Variants in SLC25A26 observed in about 807,000 individuals in gnomAD.
SLC25A26 encodes the protein solute carrier family 25 member 26, also known as mitochondrial S-adenosylmethionine carrier protein.
SLC25A26 carries 36 observed loss-of-function variants against 37.8 expected under a neutral mutation model. The observed-to-expected ratio is 0.95, with a 90% CI of 0.73 to 1.26. The LOEUF is 1.26. Ranked by LOEUF, SLC25A26 falls within the 50% of genes most tolerant of loss-of-function variation. The pLI, the probability that SLC25A26 is intolerant of heterozygous loss-of-function variation, is 0.00. For missense variants in SLC25A26, 390 were observed against 331.1 expected, an observed-to-expected ratio of 1.18 and a Z score of -1.38; for synonymous variants, 129 against 122.5, an observed-to-expected ratio of 1.05 and a Z score of -0.35.
rs1575633759 is a variant in SLC25A26, at chr3:66,377,781, T to A, written c.799T>A (p.Leu267Met). 6.2e-7 allele frequency: 1 copy of A among 1,613,538 alleles called. No individual in the cohort carries two copies. The highest frequency in any genetic ancestry group is 8.5e-7 in the Non-Finnish European group (1 of 1,179,484). ...GAYDRTHSLL[L>M]EVGRKSP ...TTATGACCGAACGCACAGCTTGCTG[T>A]TGGAAGTTGGCAGAAAGAGTCCTTG... Residue 267 changes from leucine (L) to methionine (M), a missense_variant, in exon 10 of 10, where the codon TTG becomes ATG. Coordinates refer to ENST00000354883, the MANE Select transcript of SLC25A26 (RefSeq NM_001379210.1).
intron 4 of SLC25A26, 38 bp from the exon 5 acceptor site, chr3:66,263,294 C>T: frequency 6.5e-7 from 1 of 1,540,480 alleles, no homozygotes; most frequent in Non-Finnish European, 9.0e-7. Flanking sequence ...GAAATCTCTG[C>T]CATTCTTTCT....
intron 1 of SLC25A26, among the ~76,000 whole-genome samples, chr3:66,194,352 A>G (rs907951780): frequency 6.6e-6 from 1 of 152,118 alleles, no homozygotes; most frequent in Non-Finnish European, 1.5e-5. Flanking sequence ...TTGTTTTCCC[A>G]CCTGGGGAAT....
At chr3:66,299,228 G>C (rs1270895546) in intron 5 of SLC25A26, among the ~76,000 whole-genome samples, 3 of 152,100 alleles carry the variant, frequency 2.0e-5, no homozygotes, top group Non-Finnish European at 4.4e-5. Context: ...GTTTCCCTCT[G>C]TCACCCAGGC....
exon 1 of SLC25A26, chr3:66,133,610 A>T (rs1009759737): frequency 9.9e-5 from 15 of 152,222 alleles, no homozygotes; most frequent in Non-Finnish European, 2.1e-4. Context: ...CTGTATATGT[A>T]ACCTGAAGCT....
intron 9 of SLC25A26, among the ~76,000 whole-genome samples, chr3:66,372,711 CAAT>C (rs964813460): frequency 1.4e-4 from 21 of 152,116 alleles, no homozygotes; most frequent in African/African-American, 4.6e-4. Flanking sequence ...TGATTAAAGA[CAAT>C]AAATAATTTG....
rs553382564 is a variant in SLC25A26 at position 66,350,251 on chromosome 3, G to A, written c.498+3843G>A. ...AGGGAGTAAGGGGCTGGAGGTGGTGGTGGCCACTGTTACCTTAAATTCAAC... is the reference window on the plus strand; with the variant it reads ...AGGGAGTAAGGGGCTGGAGGTGGTGATGGCCACTGTTACCTTAAATTCAAC... On this transcript the variant is annotated intron_variant, in intron 6 of 9. Transcript: ENST00000354883. Among the ~76,000 whole-genome samples, 142 of 152,250 alleles carry A rather than the reference G, an allele frequency of 9.3e-4. 1 individual carries two copies. Among genetic ancestry groups the A allele is most frequent in the African/African-American group, 3.3e-3 (138 of 41,552 alleles).
At chr3:66,230,456 G>A (rs569914705) in intron 1 of SLC25A26, among the ~76,000 whole-genome samples, 2 of 152,168 alleles carry the variant, frequency 1.3e-5, no homozygotes, top group African/African-American at 2.4e-5. Flanking sequence ...TGTATGTAGG[G>A]GGGTGGAGGC....
At chr3:66,278,643 C>T (rs749030239) in intron 5 of SLC25A26, among the ~76,000 whole-genome samples, 4 of 152,128 alleles carry the variant, frequency 2.6e-5, no homozygotes, top group African/African-American at 4.8e-5. Flanking sequence ...ATATAAATTT[C>T]ATTCCTCTGT....
chr3:66,315,063 A>G (rs1231508121), intron 5 of SLC25A26, among the ~76,000 whole-genome samples: 1 of 142,166 alleles, frequency 7.0e-6, no homozygotes, highest in Non-Finnish European at 1.5e-5. Context: ...TTTAAAAACT[A>G]GCTCCTGGAT....
At chr3:66,207,509 G>T (rs2071196837) in intron 1 of SLC25A26, among the ~76,000 whole-genome samples, 1 of 152,150 alleles carries the variant, frequency 6.6e-6, no homozygotes, top group Admixed American at 6.5e-5. Flanking sequence ...TTCAGCCCAG[G>T]CCTGATTGAT....
intron 5 of SLC25A26, among the ~76,000 whole-genome samples, chr3:66,266,254 T>G (rs2073745304): frequency 1.3e-5 from 2 of 152,234 alleles, no homozygotes; most frequent in South Asian, 4.1e-4. Context: ...GAAACATAGC[T>G]TCTTCTCAAA....
rs139024568 is a variant in SLC25A26, at chr3:66,345,930, C to T, written c.454-434C>T. On this transcript the variant is annotated intron_variant, in intron 5 of 9. Transcript: ENST00000354883. Reference sequence around the variant, plus strand: ...GAAGATCACCAGGCTCAGTGGCTCACGCCTGTAATCCCAGCACTTTTGGAG... The same window carrying T: ...GAAGATCACCAGGCTCAGTGGCTCATGCCTGTAATCCCAGCACTTTTGGAG... Among the ~76,000 whole-genome samples, 6 of 152,338 alleles carry T rather than the reference C, an allele frequency of 3.9e-5. No individual in the cohort carries two copies. The East Asian group carries it at 9.6e-4, about 24-fold the overall frequency.
intron 1 of SLC25A26, among the ~76,000 whole-genome samples, chr3:66,209,911 TATATATATATATA>T (rs2071259871): frequency 7.3e-5 from 2 of 27,428 alleles, no homozygotes; most frequent in African/African-American, 2.5e-4. Context: ...TATATATATA[TATATATATATATA>T]TATATATATA....
intron 5 of SLC25A26, among the ~76,000 whole-genome samples, chr3:66,339,324 T>G (rs2076155468): frequency 6.6e-6 from 1 of 152,052 alleles, no homozygotes; most frequent in Admixed American, 6.5e-5. Flanking sequence ...ACGCAAGTCC[T>G]TTGTTAAATA....
At chr3:66,185,759 A>AT (rs1193759885) in intron 1 of SLC25A26, among the ~76,000 whole-genome samples, 1 of 151,452 alleles carries the variant, frequency 6.6e-6, no homozygotes, top group Non-Finnish European at 1.5e-5. Flanking sequence ...CTGACTCTGT[A>AT]TTTTATACAT....
intron 3 of SLC25A26, among the ~76,000 whole-genome samples, chr3:66,256,507 G>T (rs1236309944): frequency 1.3e-5 from 2 of 152,034 alleles, no homozygotes; most frequent in Admixed American, 6.6e-5. Flanking sequence ...GAAAATATAG[G>T]TAGGTAGAAA....
At chr3:66,330,530 A>G (rs550821457) in intron 5 of SLC25A26, among the ~76,000 whole-genome samples, 1 of 151,498 alleles carries the variant, frequency 6.6e-6, no homozygotes, top group South Asian at 2.1e-4. Context: ...ATTTCTGTGT[A>G]TTCTACCTCT....
intron 5 of SLC25A26, among the ~76,000 whole-genome samples, chr3:66,345,302 C>T (rs2076293878): frequency 6.6e-6 from 1 of 152,186 alleles, no homozygotes; most frequent in Admixed American, 6.5e-5. Context: ...GAGCTTCCCA[C>T]TGGCTGCTCT....
At chr3:66,229,392 A>G (rs991351760) in intron 1 of SLC25A26, among the ~76,000 whole-genome samples, 2 of 152,278 alleles carry the variant, frequency 1.3e-5, no homozygotes, top group South Asian at 2.1e-4. Context: ...TGTAATCCCC[A>G]TAATCCCCAT....
Sources: gnomAD v4.1 joint callset for allele counts (sites outside exome capture counted in the v4.1 genomes callset) on GRCh38, gnomAD v4.1.1 for gene constraint, MANE v1.5 for transcripts, NCBI Gene and HGNC (gene_info 2026-07-23, HGNC 2026-07-21) for gene names.